TMEM232: variants seen among roughly 807,000 people sequenced by gnomAD.
TMEM232 encodes the protein transmembrane protein 232.
Under a neutral mutation model 78.8 loss-of-function variants are expected in TMEM232, and 80 were observed. The observed-to-expected ratio is 1.01, with a 90% CI of 0.85 to 1.22. The LOEUF (loss-of-function observed/expected upper bound fraction) is 1.22, where lower values mean the gene tolerates loss of function less well. TMEM232 is among the 50% of genes most tolerant of loss of function. The probability of loss-of-function intolerance (pLI) is 0.00; values close to 1 mark genes in which losing one functional copy is unlikely to be tolerated. For synonymous variants in TMEM232, 297 were observed against 254.3 expected (o/e 1.17, Z -1.60); for missense variants, 881 against 742.2 (o/e 1.19, Z -2.17).
At chr5:110,635,176 T>C (rs1007414155) in intron 5 of TMEM232, among the ~76,000 whole-genome samples, 1 of 151,876 alleles carries the variant, frequency 6.6e-6, no homozygotes, top group Non-Finnish European at 1.5e-5. Flanking sequence ...AGTAGCAAGA[T>C]TGAATCATTA....
intron 12 of TMEM232, among the ~76,000 whole-genome samples, chr5:110,484,915 A>G (rs908612553): frequency 2.3e-4 from 35 of 152,068 alleles, no homozygotes; most frequent in African/African-American, 8.4e-4. Context: ...GCATTATATA[A>G]AAGAACCACA....
chr5:110,562,190 A>G (rs543027874), intron 11 of TMEM232, among the ~76,000 whole-genome samples: 4 of 152,078 alleles, frequency 2.6e-5, no homozygotes, highest in Non-Finnish European at 5.9e-5. Context: ...TTCCCCTACA[A>G]CTAATTCCTC....
intron 1 of TMEM232, among the ~76,000 whole-genome samples, chr5:110,689,882 G>A (rs1161493712): frequency 6.6e-6 from 1 of 152,062 alleles, no homozygotes; most frequent in East Asian, 1.9e-4. Flanking sequence ...ACAAACAATG[G>A]GGAAAGGATT....
At chr5:110,509,071 T>C (rs562423653) in intron 12 of TMEM232, among the ~76,000 whole-genome samples, 23 of 147,364 alleles carry the variant, frequency 1.6e-4, no homozygotes, top group Non-Finnish European at 3.0e-4. Context: ...TATAATTATA[T>C]ATATTTTGCA....
intron 8 of TMEM232, among the ~76,000 whole-genome samples, chr5:110,612,095 A>T (rs1782369108): frequency 6.6e-6 from 1 of 152,174 alleles, no homozygotes; most frequent in Non-Finnish European, 1.5e-5. Context: ...CTACAGTCTA[A>T]CAGATGTTTT....
chr5:110,554,423 A>T (rs1000966599), intron 11 of TMEM232, among the ~76,000 whole-genome samples: 1 of 152,142 alleles, frequency 6.6e-6, no homozygotes, highest in African/African-American at 2.4e-5. Flanking sequence ...CCTTGTGATC[A>T]TGTGAGTTAA....
At chr5:110,688,093 ATGTGTGTGTGTG>A (rs10528620) in intron 1 of TMEM232, among the ~76,000 whole-genome samples, 1 of 148,754 alleles carries the variant, frequency 6.7e-6, no homozygotes, top group East Asian at 2.0e-4. Flanking sequence ...CTCTGAGGGG[ATGTGTGTGTGTG>A]TGTGTGTGTG....
intron 7 of TMEM232, among the ~76,000 whole-genome samples, chr5:110,621,415 T>A (rs1783732645): frequency 6.6e-6 from 1 of 152,034 alleles, no homozygotes; most frequent in Non-Finnish European, 1.5e-5. Context: ...GCACAAAAAA[T>A]GAAAAATACG....
intron 2 of TMEM232, among the ~76,000 whole-genome samples, chr5:110,657,284 G>C (rs971255641): frequency 6.6e-6 from 1 of 152,098 alleles, no homozygotes; most frequent in African/African-American, 2.4e-5. Flanking sequence ...GTATGTGAAA[G>C]AGACATCTGC....
At chr5:110,710,736 A>G (rs927529373) in intron 1 of TMEM232, among the ~76,000 whole-genome samples, 1 of 152,132 alleles carries the variant, frequency 6.6e-6, no homozygotes, top group South Asian at 2.1e-4. Context: ...AACCCTTGAA[A>G]AAACTGGGTA....
rs139627765 is a variant in TMEM232 at position 110,659,885 on chromosome 5, T to C, written c.125+7343A>G. The stretch of plus-strand genomic sequence containing the variant: ...AAAATACAGTAGAAAGTGACAAAAA[T>C]TTGGAAAATGGAGAATAAAGAGTAA... On this transcript the variant is annotated intron_variant, in intron 2 of 13. Coordinates refer to ENST00000455884, the MANE Select transcript of TMEM232 (RefSeq NM_001039763.4). Among the ~76,000 whole-genome samples, 464 of 151,872 alleles carry C rather than the reference T, an allele frequency of 3.1e-3. 1 individual carries two copies. The highest frequency in any genetic ancestry group is 0.011 in the African/African-American group (448 of 41,424).
chr5:110,400,257 T>C, intron 2 of TMEM232, among the ~76,000 whole-genome samples: 1 of 152,172 alleles, frequency 6.6e-6, no homozygotes, highest in Non-Finnish European at 1.5e-5. Context: ...AAACGTGCGA[T>C]ATTGAGCCAA....
chr5:110,623,284 C>A (rs1784011872), intron 7 of TMEM232, among the ~76,000 whole-genome samples: 1 of 152,052 alleles, frequency 6.6e-6, no homozygotes, highest in Non-Finnish European at 1.5e-5. Context: ...ACTTTCAATG[C>A]AATTTTGGTA....
At chr5:110,405,885 C>A (rs1263356464) in intron 2 of TMEM232, among the ~76,000 whole-genome samples, 1 of 151,510 alleles carries the variant, frequency 6.6e-6, no homozygotes, top group Non-Finnish European at 1.5e-5. Flanking sequence ...TTATATTTTA[C>A]AAATTTTATA....
chr5:110,725,899 C>G (rs1409237598), intron 1 of TMEM232: 2 of 148,390 alleles, frequency 1.3e-5, no homozygotes, highest in Non-Finnish European at 3.0e-5. Context: ...GATTTAGACT[C>G]TAACCTGAGG....
At chr5:110,662,377 A>G (rs1173198286) in intron 2 of TMEM232, among the ~76,000 whole-genome samples, 1 of 152,152 alleles carries the variant, frequency 6.6e-6, no homozygotes, top group Non-Finnish European at 1.5e-5. Flanking sequence ...TAAATAAATG[A>G]AGAGATATAC....
chr5:110,529,806 G>A (rs1242015638), intron 11 of TMEM232, among the ~76,000 whole-genome samples: 2 of 152,032 alleles, frequency 1.3e-5, no homozygotes, highest in East Asian at 3.9e-4. Flanking sequence ...GTGGCCAGAG[G>A]CATATTTTCT....
rs1188440288 is a variant in TMEM232 at position 110,445,563 on chromosome 5, G to C, written c.1704-20647C>G. Among the ~76,000 whole-genome samples the C allele has an allele frequency of 2.0e-5, 3 of 152,000 alleles. No homozygotes were observed. The East Asian group carries it at 5.8e-4, about 29-fold the overall frequency. Reference sequence around the variant, plus strand: ...GTGACTATATTAGTTATATATTGCTGCATAACAAATTACCCCATAATTAAC... The same window carrying C: ...GTGACTATATTAGTTATATATTGCTCCATAACAAATTACCCCATAATTAAC... On this transcript the variant is annotated intron_variant, in intron 12 of 13. Coordinates refer to ENST00000455884, the MANE Select transcript of TMEM232 (RefSeq NM_001039763.4).
At chr5:110,675,762 CTTCAG>C (rs534859713) in intron 1 of TMEM232, among the ~76,000 whole-genome samples, 17 of 152,142 alleles carry the variant, frequency 1.1e-4, no homozygotes, top group Non-Finnish European at 2.2e-4. Context: ...ATCTCCATTA[CTTCAG>C]TTATCTTTTT....
Sources: allele counts gnomAD v4.1 joint callset (sites outside exome capture counted in the v4.1 genomes callset), GRCh38; gene constraint gnomAD v4.1.1; transcripts MANE v1.5; gene names NCBI Gene and HGNC (gene_info 2026-07-23, HGNC 2026-07-21).